Variants in CSMD3 observed in about 807,000 individuals in gnomAD.
CSMD3 encodes CUB and Sushi multiple domains 3, also known as CUB and sushi domain-containing protein 3.
CSMD3 carries 177 observed loss-of-function variants against 435.2 expected under a neutral mutation model. That is an observed-to-expected ratio of 0.41 (90% CI 0.36 to 0.46). The LOEUF (loss-of-function observed/expected upper bound fraction) is 0.46, where lower values mean the gene tolerates loss of function less well. CSMD3 is among the 20% of genes least tolerant of loss of function. CSMD3 has a pLI of 0.34. For synonymous variants in CSMD3, 1,656 were observed against 1,520.5 expected (o/e 1.09, Z -2.07); for missense variants, 4,265 against 4,504.6 (o/e 0.95, Z 1.52).
At chr8:112,845,518 T>G (rs2080293690) in intron 11 of CSMD3, among the ~76,000 whole-genome samples, 1 of 152,156 alleles carries the variant, frequency 6.6e-6, no homozygotes, top group Middle Eastern at 3.4e-3. Context: ...AAATACAGGG[T>G]CCTAGAAGTG....
chr8:113,016,129 C>A (rs1005448162), intron 6 of CSMD3, among the ~76,000 whole-genome samples: 1 of 151,100 alleles, frequency 6.6e-6, no homozygotes, highest in East Asian at 1.9e-4. Context: ...TAAGAGATTT[C>A]TATTATAGGT....
intron 5 of CSMD3, among the ~76,000 whole-genome samples, chr8:113,023,706 A>G (rs1055543824): frequency 2.6e-5 from 4 of 152,138 alleles, no homozygotes; most frequent in African/African-American, 4.8e-5. Flanking sequence ...ACAAAGTTCC[A>G]TGGTTAAGAG....
intron 1 of CSMD3, among the ~76,000 whole-genome samples, chr8:113,356,511 C>G (rs2060062045): frequency 6.6e-6 from 1 of 152,080 alleles, no homozygotes; most frequent in African/African-American, 2.4e-5. Flanking sequence ...TTCTCATTTT[C>G]ACACTCCTTT....
chr8:113,162,253 A>C (rs1046595603), intron 4 of CSMD3, among the ~76,000 whole-genome samples: 1 of 152,102 alleles, frequency 6.6e-6, no homozygotes, highest in African/African-American at 2.4e-5. Context: ...AGACAATGTG[A>C]AAAGAAGAAT....
At chr8:112,845,910 G>C (rs2080304460) in intron 11 of CSMD3, among the ~76,000 whole-genome samples, 1 of 151,790 alleles carries the variant, frequency 6.6e-6, no homozygotes, top group Non-Finnish European at 1.5e-5. Context: ...TAATATAGAG[G>C]AACACTAATA....
chr8:112,607,521 T>C (rs1226014098), intron 22 of CSMD3, among the ~76,000 whole-genome samples: 2 of 151,914 alleles, frequency 1.3e-5, no homozygotes, highest in Non-Finnish European at 2.9e-5. Context: ...ACAGACAAGA[T>C]ACTACCAAAA....
intron 10 of CSMD3, among the ~76,000 whole-genome samples, chr8:112,881,319 G>A (rs529890483): frequency 4.6e-5 from 7 of 152,034 alleles, no homozygotes; most frequent in African/African-American, 9.6e-5. Flanking sequence ...ATTTTTAAAC[G>A]AATTAAAGGC....
In CSMD3 at chr8:112,997,835, T is replaced by A. The variant is rs554084544; in HGVS notation, c.1030+21232A>T. Among the ~76,000 whole-genome samples, 126 of 145,406 alleles carry A rather than the reference T, an allele frequency of 8.7e-4. 1 individual carries two copies. Among genetic ancestry groups the A allele is most frequent in the African/African-American group, 3.0e-3 (117 of 38,996 alleles). ...TCCCCCCAAAATTTTAATTAAAATA[T>A]ACGTATGTATGTACATGTATATGTG... On this transcript the variant is annotated intron_variant, in intron 6 of 70. Coordinates refer to ENST00000297405, the MANE Select transcript of CSMD3 (RefSeq NM_198123.2).
intron 22 of CSMD3, among the ~76,000 whole-genome samples, chr8:112,603,949 A>G (rs568997867): frequency 2.3e-3 from 351 of 152,324 alleles, no homozygotes; most frequent in African/African-American, 8.0e-3. Flanking sequence ...TATGAGAAAT[A>G]AAATCTTCAT....
intron 45 of CSMD3, among the ~76,000 whole-genome samples, chr8:112,332,005 T>C (rs1209318187): frequency 6.6e-6 from 1 of 152,116 alleles, no homozygotes; most frequent in East Asian, 1.9e-4. Flanking sequence ...ACACATTTAG[T>C]AATTCTAAAA....
At chr8:112,535,200 G>A (rs1438371091) in intron 27 of CSMD3, among the ~76,000 whole-genome samples, 3 of 151,422 alleles carry the variant, frequency 2.0e-5, no homozygotes, top group African/African-American at 7.3e-5. Flanking sequence ...GAAATAAAGG[G>A]TATTCAATTA....
intron 31 of CSMD3, among the ~76,000 whole-genome samples, chr8:112,475,440 A>G (rs1254773441): frequency 6.6e-6 from 1 of 152,108 alleles, no homozygotes; most frequent in Non-Finnish European, 1.5e-5. Flanking sequence ...GTACTTGTAA[A>G]CATAATTTTA....
chr8:112,417,851 G>C (rs1812079582), intron 32 of CSMD3, among the ~76,000 whole-genome samples: 1 of 152,106 alleles, frequency 6.6e-6, no homozygotes, highest in African/African-American at 2.4e-5. Context: ...GTTCCACATA[G>C]AAGGAAGTCG....
chr8:112,421,856 A>T (rs1281102502), intron 32 of CSMD3, among the ~76,000 whole-genome samples: 1 of 151,992 alleles, frequency 6.6e-6, no homozygotes, highest in African/African-American at 2.4e-5. Flanking sequence ...TTAAACCCTT[A>T]CTATATGTAA....
At chr8:112,887,216 A>G (rs996502619) in intron 10 of CSMD3, among the ~76,000 whole-genome samples, 2 of 148,126 alleles carry the variant, frequency 1.4e-5, no homozygotes, top group African/African-American at 5.0e-5. Flanking sequence ...TTTTTTTTGA[A>G]TAGTATAAAA....
chr8:113,399,507 C>A (rs1341550872), intron 1 of CSMD3, among the ~76,000 whole-genome samples: 1 of 151,334 alleles, frequency 6.6e-6, no homozygotes, highest in Non-Finnish European at 1.5e-5. Flanking sequence ...CATGGTTGAA[C>A]CTGGAAAACG....
At chr8:113,394,045 A>G (rs1301774917) in intron 1 of CSMD3, among the ~76,000 whole-genome samples, 3 of 152,072 alleles carry the variant, frequency 2.0e-5, no homozygotes, top group Non-Finnish European at 4.4e-5. Context: ...CTGAGAACGT[A>G]TAGAGTCTGC....
At chr8:112,683,545 G>T (rs1304825662) in intron 15 of CSMD3, among the ~76,000 whole-genome samples, 1 of 151,810 alleles carries the variant, frequency 6.6e-6, no homozygotes, top group Non-Finnish European at 1.5e-5. Flanking sequence ...ATAAAAATGG[G>T]TTTATTTGAA....
intron 3 of CSMD3, among the ~76,000 whole-genome samples, chr8:113,220,258 T>C (rs2092951475): frequency 6.6e-6 from 1 of 151,538 alleles, no homozygotes; most frequent in East Asian, 1.9e-4. Context: ...TAAAATTTAT[T>C]CTCTTAACAT....
Sources: gnomAD v4.1 joint callset for allele counts (sites outside exome capture counted in the v4.1 genomes callset) on GRCh38, gnomAD v4.1.1 for gene constraint, MANE v1.5 for transcripts, NCBI Gene and HGNC (gene_info 2026-07-23, HGNC 2026-07-21) for gene names.